Variants in EEF2K observed in about 807,000 individuals in gnomAD.
The protein encoded by EEF2K is alternative protein EEF2K.
EEF2K carries 70 observed loss-of-function variants against 93.8 expected under a neutral mutation model. That is an observed-to-expected ratio of 0.75 (90% CI 0.62 to 0.91). The LOEUF (loss-of-function observed/expected upper bound fraction) is 0.91, where lower values mean the gene tolerates loss of function less well. Ranked by LOEUF, EEF2K falls within the 40% of genes least tolerant of loss-of-function variation. The probability of loss-of-function intolerance (pLI) is 0.00; values close to 1 mark genes in which losing one functional copy is unlikely to be tolerated. For missense variants in EEF2K, 935 were observed against 972.9 expected (o/e 0.96, Z 0.52); for synonymous variants, 376 against 380.8 (o/e 0.99, Z 0.15).
At chr16:22,223,479 A>T (rs937757545) in intron 1 of EEF2K, among the ~76,000 whole-genome samples, 1 of 152,032 alleles carries the variant, frequency 6.6e-6, no homozygotes, top group Non-Finnish European at 1.5e-5. Context: ...GGGTTTCGCC[A>T]TGTTGGCCAG....
chr16:22,223,572 A>G (rs2047035850), intron 1 of EEF2K, among the ~76,000 whole-genome samples: 1 of 152,042 alleles, frequency 6.6e-6, no homozygotes, highest in Non-Finnish European at 1.5e-5. Flanking sequence ...TTGCATGTGG[A>G]TATTCATTTA....
At chr16:22,266,971 T>C in intron 15 of EEF2K, 95 bp downstream of exon 15, 1 of 1,440,018 alleles carries the variant, frequency 6.9e-7, no homozygotes, top group Non-Finnish European at 9.4e-7. Flanking sequence ...TGCATTCACC[T>C]GCCTTCTATC....
chr16:22,211,475 G>A (rs554012356), intron 1 of EEF2K, among the ~76,000 whole-genome samples: 48 of 152,146 alleles, frequency 3.2e-4, no homozygotes, highest in Admixed American at 5.9e-4. Context: ...GTCTGGGGGC[G>A]GGGGGATAGA....
At chr16:22,216,487 C>T (rs1436245383) in intron 1 of EEF2K, among the ~76,000 whole-genome samples, 3 of 152,164 alleles carry the variant, frequency 2.0e-5, no homozygotes, top group Non-Finnish European at 4.4e-5. Context: ...TTACTTATCA[C>T]TCATTCACAG....
chr16:22,266,837 G>A lies in EEF2K; in HGVS notation c.1725G>A (p.Ser575=), dbSNP rs150007908. The change falls in exon 15 of 18, where the codon TCG becomes TCA. Residue 575 remains serine, a synonymous_variant. Transcript: ENST00000263026. ...EAIVGLGLMY[S]QLPHHILADV... ...TCGTGGGCCTGGGACTCATGTACTC[G>A]CAGTTGCCTCATCACATCCTAGCCG... 29 of 1,613,572 alleles carry A rather than the reference G, an allele frequency of 1.8e-5. No homozygotes were observed. The highest frequency in any genetic ancestry group is 6.7e-5 in the African/African-American group (5 of 74,930).
intron 6 of EEF2K, among the ~76,000 whole-genome samples, chr16:22,254,951 G>A (rs1234437075): frequency 6.6e-6 from 1 of 152,084 alleles, no homozygotes; most frequent in African/African-American, 2.4e-5. Context: ...GGTGCCTGTA[G>A]TCCCAGCTAC....
Position 22,266,715 on chromosome 16 carries a change from G to A in EEF2K, c.1603G>A (p.Glu535Lys), listed in dbSNP as rs148136135. 36 of 1,613,130 alleles carry A rather than the reference G, an allele frequency of 2.2e-5. No individual in the cohort carries two copies. The South Asian group carries it at 2.4e-4, about 11-fold the overall frequency. The change falls in exon 15 of 18, where the codon GAG becomes AAG. Residue 535 changes from glutamate (E) to lysine (K), a missense_variant. Coordinates refer to ENST00000263026, the MANE Select transcript of EEF2K (RefSeq NM_013302.5). ...KVHLAMVRYH[E>K]GGRFCEKGEE... ...CCATCTGGCCATGGTGCGCTACCAC[G>A]AGGGTGGGCGCTTCTGCGAGAAGGG... is the stretch of plus-strand genomic sequence containing the variant.
intron 7 of EEF2K, 90 bp downstream of exon 7, chr16:22,256,987 G>A (rs1251432253): frequency 6.4e-7 from 1 of 1,564,446 alleles, no homozygotes; most frequent in African/African-American, 1.4e-5. Context: ...GAAGGTCCCT[G>A]TGGGCTTGGA....
At chr16:22,244,762 C>A in intron 3 of EEF2K, 32 bp downstream of exon 3, 1 of 1,609,364 alleles carries the variant, frequency 6.2e-7, no homozygotes, top group South Asian at 1.1e-5. Flanking sequence ...TCGAGGAGTC[C>A]TGGGGGCTAT....
intron 2 of EEF2K, among the ~76,000 whole-genome samples, chr16:22,235,535 T>C (rs2047159344): frequency 6.6e-6 from 1 of 152,192 alleles, no homozygotes; most frequent in African/African-American, 2.4e-5. Flanking sequence ...TTCGCTCTTG[T>C]TGCCCAGGCT....
intron 1 of EEF2K, among the ~76,000 whole-genome samples, chr16:22,222,876 C>G (rs983286253): frequency 1.7e-5 from 2 of 118,240 alleles, no homozygotes; most frequent in Admixed American, 1.6e-4. Flanking sequence ...GGGTGAGACT[C>G]CATCTCAGAT....
intron 2 of EEF2K, among the ~76,000 whole-genome samples, chr16:22,229,540 G>T (rs747723068): frequency 6.6e-6 from 1 of 152,064 alleles, no homozygotes; most frequent in African/African-American, 2.4e-5. Flanking sequence ...CCGTCTCTAC[G>T]AAAACACAAA....
intron 1 of EEF2K, among the ~76,000 whole-genome samples, chr16:22,209,330 A>T (rs939191146): frequency 2.0e-5 from 3 of 152,152 alleles, no homozygotes; most frequent in Admixed American, 6.5e-5. Context: ...CCACCCGGGA[A>T]GGATGTCTTT....
At chr16:22,245,681 G>T (rs118073658) in intron 3 of EEF2K, among the ~76,000 whole-genome samples, 6,113 of 152,218 alleles carry the variant, frequency 0.04, 179 homozygotes, top group Non-Finnish European at 0.061. Flanking sequence ...TGTGAGGCCT[G>T]GCCAGGCCCA....
chr16:22,287,614 G>A lies in EEF2K; in HGVS notation c.*3618G>A, dbSNP rs540180181. The A allele has an allele frequency of 6.6e-6, 1 of 152,130 alleles. No homozygotes were observed. Among genetic ancestry groups the A allele is most frequent in the Admixed American group, 6.6e-5 (1 of 15,266 alleles). 9.4% of individuals were successfully genotyped at this position (152,130 alleles called of 1,614,324 possible). On this transcript the variant is annotated 3_prime_UTR_variant, in exon 18 of 18. Coordinates refer to ENST00000263026, the MANE Select transcript of EEF2K (RefSeq NM_013302.5). ...GGATCTTGGGAATAAAATTTAAACT[G>A]GAGTTTAATGGCCCTTTCAGTTTTG...
chr16:22,256,152 C>T (rs1049270639), intron 6 of EEF2K, among the ~76,000 whole-genome samples: 2 of 151,970 alleles, frequency 1.3e-5, no homozygotes, highest in Non-Finnish European at 2.9e-5. Flanking sequence ...GGCTGGAGTG[C>T]AGTGGTGCAA....
intron 15 of EEF2K, among the ~76,000 whole-genome samples, chr16:22,268,617 C>T (rs1476206860): frequency 6.6e-6 from 1 of 151,962 alleles, no homozygotes; most frequent in Non-Finnish European, 1.5e-5. Context: ...TAGGCCTGAG[C>T]CACCATGCCC....
At chr16:22,255,979 T>A (rs2047394706) in intron 6 of EEF2K, among the ~76,000 whole-genome samples, 1 of 151,996 alleles carries the variant, frequency 6.6e-6, no homozygotes, top group Non-Finnish European at 1.5e-5. Context: ...AGTGACATGA[T>A]CTTGGCTCAC....
intron 2 of EEF2K, among the ~76,000 whole-genome samples, chr16:22,231,998 C>CAAA (rs35198909): frequency 0.083 from 5,472 of 65,904 alleles, 320 homozygotes; most frequent in East Asian, 0.26. Context: ...CTTAAACAAA[C>CAAA]AAAAAAAAAA....
Sources: gnomAD v4.1 joint callset for allele counts (sites outside exome capture counted in the v4.1 genomes callset) on GRCh38, gnomAD v4.1.1 for gene constraint, MANE v1.5 for transcripts, NCBI Gene and HGNC (gene_info 2026-07-23, HGNC 2026-07-21) for gene names.